Variants in NCOA1 observed in about 807,000 individuals in gnomAD.
The protein encoded by NCOA1 is Hin-2 protein.
In NCOA1, 35 loss-of-function variants were observed where a neutral mutation model predicts 150.9. That is an observed-to-expected ratio of 0.23 (90% CI 0.18 to 0.31). NCOA1 has a LOEUF of 0.31. Among genes scored for constraint, NCOA1 ranks in the 10% least tolerant of loss-of-function variants. The pLI is 1.00. For missense variants in NCOA1, 1,491 were observed against 1,749.3 expected, an observed-to-expected ratio of 0.85 and a Z score of 2.63; for synonymous variants, 590 against 630.0, an observed-to-expected ratio of 0.94 and a Z score of 0.95.
intron 6 of NCOA1, among the ~76,000 whole-genome samples, chr2:24,667,819 T>G (rs1243737117): frequency 6.6e-6 from 1 of 152,220 alleles, no homozygotes; most frequent in East Asian, 1.9e-4. Context: ...ACCTCTTTCA[T>G]GTCTTTGCTC....
At chr2:24,723,560 A>G (rs916481745) in intron 14 of NCOA1, among the ~76,000 whole-genome samples, 1 of 152,198 alleles carries the variant, frequency 6.6e-6, no homozygotes, top group Non-Finnish European at 1.5e-5. Flanking sequence ...TATCCTTGCC[A>G]ATACATTGAA....
chr2:24,726,231 CTG>C (rs922968703), intron 14 of NCOA1, among the ~76,000 whole-genome samples: 3 of 152,108 alleles, frequency 2.0e-5, no homozygotes, highest in African/African-American at 7.2e-5. Flanking sequence ...GGTGATGACA[CTG>C]TGTTACTTAT....
intron 7 of NCOA1, among the ~76,000 whole-genome samples, chr2:24,674,898 A>G (rs577709065): frequency 6.6e-6 from 1 of 152,130 alleles, no homozygotes; most frequent in Non-Finnish European, 1.5e-5. Context: ...TATCTTGCAC[A>G]TGCATTCTAG....
At position 24,649,409 on chromosome 2, in the gene NCOA1, A is replaced by AT. The variant is rs751388539; in HGVS notation, c.-18+5292dup. Among the ~76,000 whole-genome samples the AT allele has an allele frequency of 2.6e-5, 4 of 152,312 alleles. No homozygotes were observed. In the East Asian group the frequency reaches 5.8e-4, roughly 22 times the overall value. ...AAGATAGCTATAGTTAGGACGACTG[A>AT]TTTTTCCTCAAGAAATACCAACACA... is the stretch of plus-strand genomic sequence containing the variant. On this transcript the variant is annotated intron_variant, in intron 4 of 22. Coordinates refer to ENST00000348332, the MANE Select transcript of NCOA1 (RefSeq NM_003743.5).
chr2:24,547,355 T>C (rs1256755557), intron 1 of NCOA1, among the ~76,000 whole-genome samples: 1 of 152,218 alleles, frequency 6.6e-6, no homozygotes, highest in Non-Finnish European at 1.5e-5. Context: ...TGTCATTCAC[T>C]ATAAATTTAA....
At chr2:24,553,344 G>T (rs532656101) in intron 1 of NCOA1, among the ~76,000 whole-genome samples, 1 of 151,570 alleles carries the variant, frequency 6.6e-6, no homozygotes, top group Admixed American at 6.6e-5. Flanking sequence ...TCAGCCTCCC[G>T]AGTAGCTGGG....
chr2:24,707,855 T>C lies in NCOA1; in HGVS notation c.2385T>C (p.Thr795=). ...NTNPTPMTKP[T]PEEIKLEAQS... is the part of the protein sequence containing the mutation. The stretch of plus-strand genomic sequence containing the variant: ...ACCCAACCCCAATGACCAAACCCAC[T>C]CCTGAGGAAATAAAACTGGAGGCCC... Residue 795 remains threonine (T), a synonymous_variant, in exon 13 of 23, where the codon ACT becomes ACC. Coordinates refer to ENST00000348332, the MANE Select transcript of NCOA1 (RefSeq NM_003743.5). 6.3e-7 allele frequency: 1 copy of C among 1,598,798 alleles called. No individual in the cohort carries two copies. The highest frequency in any genetic ancestry group is 8.5e-7 in the Non-Finnish European group (1 of 1,175,628).
At chr2:24,685,523 G>T (rs10172910) in intron 8 of NCOA1, among the ~76,000 whole-genome samples, 152,169 of 152,364 alleles carry the variant, frequency 1, 75,987 homozygotes, top group Middle Eastern at 1. Context: ...AAAGCAAGTC[G>T]TTATAAATTC....
chr2:24,703,131 T>C (rs1673245500), intron 11 of NCOA1, among the ~76,000 whole-genome samples: 1 of 152,212 alleles, frequency 6.6e-6, no homozygotes, highest in African/African-American at 2.4e-5. Context: ...TCTTACAATG[T>C]TGTTGGCTCA....
At chr2:24,641,170 A>G (rs1364943315) in intron 3 of NCOA1, among the ~76,000 whole-genome samples, 3 of 151,624 alleles carry the variant, frequency 2.0e-5, no homozygotes, top group Non-Finnish European at 4.4e-5. Flanking sequence ...TAATTTATAA[A>G]TTTATTTGTA....
chr2:24,703,787 T>C (rs989633011), intron 11 of NCOA1, among the ~76,000 whole-genome samples: 5 of 152,190 alleles, frequency 3.3e-5, no homozygotes, highest in African/African-American at 1.2e-4. Context: ...AAATTATTTA[T>C]TAATTGGTAA....
At chr2:24,655,301 CT>C (rs1461221679) in intron 4 of NCOA1, among the ~76,000 whole-genome samples, 1 of 152,038 alleles carries the variant, frequency 6.6e-6, no homozygotes, top group African/African-American at 2.4e-5. Context: ...TTTTTAAAGT[CT>C]TTTCTTGAAG....
chr2:24,541,313 A>G (rs1396958311), intron 1 of NCOA1, among the ~76,000 whole-genome samples: 1 of 152,186 alleles, frequency 6.6e-6, no homozygotes, highest in East Asian at 1.9e-4. Flanking sequence ...GTGAACCAAG[A>G]ATCATGTCAT....
chr2:24,750,822 G>A (rs1034143921), intron 19 of NCOA1, among the ~76,000 whole-genome samples: 2 of 151,066 alleles, frequency 1.3e-5, no homozygotes, highest in South Asian at 2.1e-4. Flanking sequence ...TGGTAATGGC[G>A]GCACAACTCT....
At chr2:24,637,137 T>C in intron 3 of NCOA1, among the ~76,000 whole-genome samples, 1 of 151,364 alleles carries the variant, frequency 6.6e-6, no homozygotes, top group East Asian at 1.9e-4. Flanking sequence ...AATGTGCAGG[T>C]TAGTTACATA....
At chr2:24,764,834 AAGATT>A (rs1040516324) in intron 22 of NCOA1, among the ~76,000 whole-genome samples, 2 of 152,194 alleles carry the variant, frequency 1.3e-5, no homozygotes, top group African/African-American at 2.4e-5. Flanking sequence ...GAGAAGGACA[AAGATT>A]AGAAGACTGG....
chr2:24,758,531 A>G (rs1375995408), intron 21 of NCOA1, among the ~76,000 whole-genome samples: 2 of 151,868 alleles, frequency 1.3e-5, no homozygotes, highest in African/African-American at 2.4e-5. Context: ...AGGTCTCACT[A>G]TGTTGCCCAG....
chr2:24,679,774 A>C (rs928846614), intron 7 of NCOA1, among the ~76,000 whole-genome samples: 4 of 152,034 alleles, frequency 2.6e-5, no homozygotes, highest in African/African-American at 9.7e-5. Flanking sequence ...AAAAGAGTTT[A>C]TCTAGTGTTG....
chr2:24,556,226 A>G (rs1364223697), intron 1 of NCOA1, among the ~76,000 whole-genome samples: 3 of 152,236 alleles, frequency 2.0e-5, no homozygotes, highest in East Asian at 3.9e-4. Flanking sequence ...TCAGATCCCA[A>G]TTACAAGTGA....
Sources: allele counts gnomAD v4.1 joint callset (sites outside exome capture counted in the v4.1 genomes callset), GRCh38; gene constraint gnomAD v4.1.1; transcripts MANE v1.5; gene names NCBI Gene and HGNC (gene_info 2026-07-23, HGNC 2026-07-21).